The following RBM25 variants were observed in gnomAD, a reference collection of about 807,000 sequenced individuals.
RBM25 encodes the protein RNA-binding protein 25.
Under a neutral mutation model 120.7 loss-of-function variants are expected in RBM25, and 19 were observed. The ratio of observed to expected loss-of-function variants is 0.16; its 90% CI spans 0.11 to 0.23. RBM25 has a LOEUF of 0.23. Ranked by LOEUF, RBM25 falls within the 10% of genes least tolerant of loss-of-function variation. The probability of loss-of-function intolerance (pLI) is 1.00; values close to 1 mark genes in which losing one functional copy is unlikely to be tolerated. For synonymous variants in RBM25, 390 were observed against 326.7 expected (o/e 1.19, Z -2.09); for missense variants, 605 against 1,041.5 (o/e 0.58, Z 5.77).
At chr14:73,078,540 T>A (rs1895479316) in intron 4 of RBM25, among the ~76,000 whole-genome samples, 1 of 152,164 alleles carries the variant, frequency 6.6e-6, no homozygotes. Flanking sequence ...ATGTAGTTCA[T>A]ATTTAATTTT....
intron 3 of RBM25, 69 bp from the exon 4 acceptor site, chr14:73,077,300 T>TAAAA: frequency 7.5e-7 from 1 of 1,341,684 alleles, no homozygotes; most frequent in South Asian, 1.3e-5. Context: ...CTGATGTTTT[T>TAAAA]AGCCTAATGT....
intron 6 of RBM25, among the ~76,000 whole-genome samples, chr14:73,094,748 G>A (rs896401096): frequency 5.9e-5 from 9 of 151,698 alleles, no homozygotes; most frequent in Non-Finnish European, 1.2e-4. Flanking sequence ...GGCTGGTCTC[G>A]AACTCCTGAC....
At chr14:73,109,638 A>G in intron 14 of RBM25, 146 bp downstream of exon 14, 3 of 736,996 alleles carry the variant, frequency 4.1e-6, no homozygotes, top group Non-Finnish European at 6.2e-6. Context: ...TTAAAAATAC[A>G]AAAGATTAGC....
intron 5 of RBM25, among the ~76,000 whole-genome samples, chr14:73,087,055 A>G (rs1032709335): frequency 3.3e-4 from 4 of 12,118 alleles, no homozygotes; most frequent in African/African-American, 1.7e-3. Context: ...GGTATATCAC[A>G]CTGAAATGTC....
chr14:73,103,834 G>A (rs144961165), intron 10 of RBM25, among the ~76,000 whole-genome samples: 65 of 151,884 alleles, frequency 4.3e-4, no homozygotes, highest in African/African-American at 1.4e-3. Flanking sequence ...GATTATAAGC[G>A]TGAGTCACTG....
intron 1 of RBM25, among the ~76,000 whole-genome samples, chr14:73,060,267 G>C (rs1436640782): frequency 1.3e-5 from 2 of 151,370 alleles, no homozygotes; most frequent in Non-Finnish European, 3.0e-5. Context: ...TCGATTTCCT[G>C]ACCTCGTGAT....
At chr14:73,113,244 C>A (rs1291998463) in intron 17 of RBM25, among the ~76,000 whole-genome samples, 1 of 151,860 alleles carries the variant, frequency 6.6e-6, no homozygotes, top group Non-Finnish European at 1.5e-5. Flanking sequence ...TTGGTTTACA[C>A]CAGGCTAATT....
chr14:73,067,813 G>A (rs1262569071), intron 1 of RBM25, among the ~76,000 whole-genome samples: 2 of 150,566 alleles, frequency 1.3e-5, no homozygotes, highest in Admixed American at 6.7e-5. Flanking sequence ...GGGTTTCACC[G>A]TGGTCTCGAT....
intron 4 of RBM25, among the ~76,000 whole-genome samples, chr14:73,078,780 T>G (rs1895486003): frequency 6.6e-6 from 1 of 152,038 alleles, no homozygotes; most frequent in Non-Finnish European, 1.5e-5. Context: ...CATTTTTGTG[T>G]TTTTTTAGAG....
intron 7 of RBM25, 94 bp downstream of exon 7, chr14:73,097,194 T>TTTTTTTG: frequency 7.2e-6 from 3 of 416,116 alleles, no homozygotes; most frequent in Non-Finnish European, 9.4e-6. Flanking sequence ...CTTTTTTCTT[T>TTTTTTTG]TCTTTTTTTT....
chr14:73,079,465 C>A (rs1895507644), intron 4 of RBM25, among the ~76,000 whole-genome samples: 1 of 150,522 alleles, frequency 6.6e-6, no homozygotes, highest in South Asian at 2.1e-4. Context: ...ATATTCTGCA[C>A]TGAGAGGATC....
intron 1 of RBM25, among the ~76,000 whole-genome samples, chr14:73,061,978 T>A (rs1895015977): frequency 6.6e-6 from 1 of 151,406 alleles, no homozygotes; most frequent in Non-Finnish European, 1.5e-5. Context: ...TGCCCTTCTC[T>A]GTTGGCAACC....
chr14:73,061,257 C>G (rs1471180536), intron 1 of RBM25, among the ~76,000 whole-genome samples: 1 of 150,992 alleles, frequency 6.6e-6, no homozygotes, highest in Non-Finnish European at 1.5e-5. Flanking sequence ...GGGGTTTGAC[C>G]ATGTTGTCCA....
chr14:73,096,132 C>T (rs769912201), intron 6 of RBM25, among the ~76,000 whole-genome samples: 4 of 152,136 alleles, frequency 2.6e-5, no homozygotes, highest in African/African-American at 4.8e-5. Flanking sequence ...CATGCACCAC[C>T]GCACTCGGCT....
intron 5 of RBM25, among the ~76,000 whole-genome samples, chr14:73,085,514 A>ATG (rs1895664198): frequency 7.5e-6 from 1 of 133,394 alleles, no homozygotes; most frequent in Non-Finnish European, 1.7e-5. Flanking sequence ...GCACCATCTC[A>ATG]GCTCGCTGCA....
chr14:73,085,985 T>C (rs1325278300), intron 5 of RBM25, among the ~76,000 whole-genome samples: 1 of 151,994 alleles, frequency 6.6e-6, no homozygotes, highest in Non-Finnish European at 1.5e-5. Flanking sequence ...TCTCCAGTGG[T>C]TTTGACATGA....
At chr14:73,103,849 C>T (rs1896104379) in intron 10 of RBM25, among the ~76,000 whole-genome samples, 1 of 151,490 alleles carries the variant, frequency 6.6e-6, no homozygotes, top group South Asian at 2.1e-4. Context: ...TCACTGTGCC[C>T]AGCCTGAGAA....
chr14:73,109,946 G>A (rs1269561682), intron 14 of RBM25, among the ~76,000 whole-genome samples: 1 of 151,894 alleles, frequency 6.6e-6, no homozygotes, highest in East Asian at 1.9e-4. Context: ...GTGCAGTGGT[G>A]TCATCTTGGC....
At chr14:73,099,460 A>G in intron 8 of RBM25, 27 bp downstream of exon 8, 1 of 1,605,032 alleles carries the variant, frequency 6.2e-7, no homozygotes. Flanking sequence ...GGCTTTGACA[A>G]TACCTGTGTT....
Sources: allele counts gnomAD v4.1 joint callset (sites outside exome capture counted in the v4.1 genomes callset), GRCh38; gene constraint gnomAD v4.1.1; transcripts MANE v1.5; gene names NCBI Gene and HGNC (gene_info 2026-07-23, HGNC 2026-07-21).